WDR19: variants seen among roughly 807,000 people sequenced by gnomAD.
WDR19 encodes WD repeat-containing protein 19.
Under a neutral mutation model 180.0 loss-of-function variants are expected in WDR19, and 121 were observed. The observed-to-expected ratio is 0.67, with a 90% confidence interval of 0.58 to 0.78. The LOEUF (loss-of-function observed/expected upper bound fraction) is 0.78. WDR19 is among the 30% of genes least tolerant of loss of function. The pLI is 0.00. For missense variants in WDR19, 1,450 were observed against 1,640.7 expected, an observed-to-expected ratio of 0.88 and a Z score of 2.01; for synonymous variants, 497 against 540.7, an observed-to-expected ratio of 0.92 and a Z score of 1.12.
At chr4:39,215,496 A>G (rs1405250518) in intron 10 of WDR19, among the ~76,000 whole-genome samples, 2 of 152,150 alleles carry the variant, frequency 1.3e-5, no homozygotes. Context: ...GCTATACCAT[A>G]TAGCCTAGGT....
intron 3 of WDR19, among the ~76,000 whole-genome samples, chr4:39,188,185 T>C: frequency 6.6e-6 from 1 of 151,822 alleles, no homozygotes; most frequent in East Asian, 1.9e-4. Context: ...ATATATGTAA[T>C]ACCAAGATGA....
At chr4:39,230,456 A>G (rs576696494) in intron 17 of WDR19, among the ~76,000 whole-genome samples, 2 of 130,264 alleles carry the variant, frequency 1.5e-5, no homozygotes, top group African/African-American at 6.4e-5. Context: ...GCATGACACC[A>G]CTTACCTCTG....
At chr4:39,185,328 T>G (rs1725399559) in intron 1 of WDR19, among the ~76,000 whole-genome samples, 1 of 152,208 alleles carries the variant, frequency 6.6e-6, no homozygotes, top group Non-Finnish European at 1.5e-5. Flanking sequence ...ATGTTTAAGA[T>G]AGCAATTTTT....
intron 9 of WDR19, among the ~76,000 whole-genome samples, chr4:39,211,368 C>A (rs1243031622): frequency 6.6e-6 from 1 of 152,128 alleles, no homozygotes; most frequent in African/African-American, 2.4e-5. Flanking sequence ...AAATACACGG[C>A]ACTCAGATTA....
At chr4:39,219,086 C>T (rs1287555593) in intron 14 of WDR19, 3 of 152,078 alleles carry the variant, frequency 2.0e-5, no homozygotes, top group Admixed American at 2.0e-4. Flanking sequence ...CTGGTTGAGC[C>T]TGTTTTACAG....
intron 33 of WDR19, chr4:39,275,217 G>C (rs1359433661): frequency 2.4e-6 from 1 of 416,744 alleles, no homozygotes; most frequent in Admixed American, 3.4e-5. Context: ...GTGCACACCT[G>C]TAGTCCCAGC....
Position 39,273,059 on chromosome 4 carries a change from C to T in WDR19, c.3563C>T (p.Ser1188Leu). ...RVANNISKFP[S>L]HIVPILTSTV... ...GCCAACAACATCAGCAAATTTCCAT[C>T]ACGTAAGTACCACTGACCAGAGCTC... is the stretch of plus-strand genomic sequence containing the variant. Residue 1188 changes from serine (S) to leucine (L), a missense_variant and splice_region_variant, in exon 32 of 37, where the codon TCA (serine) becomes TTA (leucine). Transcript: ENST00000399820. The T allele has an allele frequency of 1.2e-6, 2 of 1,600,958 alleles. No individual in the cohort carries two copies. Among genetic ancestry groups the T allele is most frequent in the Non-Finnish European group, 1.7e-6 (2 of 1,173,662 alleles).
intron 5 of WDR19, among the ~76,000 whole-genome samples, chr4:39,199,256 G>A (rs1156729073): frequency 1.3e-5 from 2 of 152,040 alleles, no homozygotes; most frequent in African/African-American, 4.8e-5. Context: ...TTTACATTAG[G>A]GCTTATATCC....
intron 15 of WDR19, among the ~76,000 whole-genome samples, chr4:39,226,502 G>T (rs1730271977): frequency 2.0e-5 from 3 of 152,192 alleles, no homozygotes; most frequent in Non-Finnish European, 4.4e-5. Context: ...CTAGTCCAGT[G>T]GCACTGATGT....
chr4:39,211,173 A>C (rs1264414678), intron 9 of WDR19, among the ~76,000 whole-genome samples: 1 of 151,732 alleles, frequency 6.6e-6, no homozygotes, highest in African/African-American at 2.4e-5. Context: ...CCTGGGCAAA[A>C]GAGTGAAACC....
intron 24 of WDR19, among the ~76,000 whole-genome samples, chr4:39,249,791 T>G (rs373810294): frequency 6.6e-6 from 1 of 151,814 alleles, no homozygotes; most frequent in African/African-American, 2.4e-5. Flanking sequence ...CAAGACTAAA[T>G]CAGGAAGAAG....
In WDR19 at chr4:39,185,743, A is replaced by G. The variant is rs753766855; in HGVS notation, c.24A>G (p.Leu8=). 1.3e-6 allele frequency: 2 copies of G among 1,557,410 alleles called. No homozygotes were observed. Among genetic ancestry groups the G allele is most frequent in the East Asian group, 2.4e-5 (1 of 41,668 alleles). The change falls in exon 2 of 37, where the codon CTA becomes CTG. Residue 8 remains leucine, a synonymous_variant. Coordinates refer to ENST00000399820, the MANE Select transcript of WDR19 (RefSeq NM_025132.4). The part of the protein sequence containing the change: MKRIFSL[L]EKTWLGAPIQ... ...TTTTTTAGCGTATTTTCTCACTGCT[A>G]GAAAAGACTTGGCTTGGCGCACCAA...
intron 20 of WDR19, among the ~76,000 whole-genome samples, chr4:39,236,284 CACACACACACAG>C (rs924554196): frequency 7.9e-5 from 12 of 152,160 alleles, no homozygotes; most frequent in Non-Finnish European, 1.3e-4. Context: ...TATACACACA[CACACACACACAG>C]ACACACACAC....
intron 24 of WDR19, among the ~76,000 whole-genome samples, chr4:39,245,782 G>A (rs144460069): frequency 6.6e-6 from 1 of 152,238 alleles, no homozygotes; most frequent in East Asian, 1.9e-4. Flanking sequence ...CAGATGCAGG[G>A]GAAAAGAAAA....
At chr4:39,240,214 A>G (rs560991538) in intron 20 of WDR19, 63 bp from the exon 21 acceptor site, 3 of 662,460 alleles carry the variant, frequency 4.5e-6, no homozygotes, top group Non-Finnish European at 6.4e-6. Flanking sequence ...GAAAAAGTAC[A>G]TGTAAATAAA....
intron 24 of WDR19, among the ~76,000 whole-genome samples, chr4:39,249,238 A>G (rs1235129304): frequency 1.3e-5 from 2 of 152,148 alleles, no homozygotes; most frequent in African/African-American, 2.4e-5. Flanking sequence ...CTGCTCCTGA[A>G]TGACTACTGG....
chr4:39,246,995 G>T (rs1228782942), intron 24 of WDR19, among the ~76,000 whole-genome samples: 1 of 152,244 alleles, frequency 6.6e-6, no homozygotes, highest in Non-Finnish European at 1.5e-5. Context: ...TGACAGCTTT[G>T]AAGAGAGGAG....
intron 5 of WDR19, among the ~76,000 whole-genome samples, chr4:39,198,991 C>G (rs925299619): frequency 2.1e-5 from 3 of 145,574 alleles, no homozygotes; most frequent in Non-Finnish European, 4.5e-5. Context: ...GAGTGAGACT[C>G]TGTCTCAAAA....
At chr4:39,272,474 G>A (rs902344384) in intron 31 of WDR19, among the ~76,000 whole-genome samples, 14 of 152,136 alleles carry the variant, frequency 9.2e-5, no homozygotes, top group Admixed American at 2.6e-4. Context: ...GTGGCTTCAT[G>A]TCCTGGCCCC....
Sources: gnomAD v4.1 joint callset for allele counts (sites outside exome capture counted in the v4.1 genomes callset) on GRCh38, gnomAD v4.1.1 for gene constraint, MANE v1.5 for transcripts, NCBI Gene and HGNC (gene_info 2026-07-23, HGNC 2026-07-21) for gene names.